LMBR1: variants seen among roughly 807,000 people sequenced by gnomAD.
The protein encoded by LMBR1 is limb region 1 protein homolog.
LMBR1 carries 52 observed loss-of-function variants against 73.9 expected under a neutral mutation model. That is an observed-to-expected ratio of 0.70 (90% CI 0.56 to 0.89). The LOEUF (loss-of-function observed/expected upper bound fraction) is 0.89. Ranked by LOEUF, LMBR1 falls within the 40% of genes least tolerant of loss-of-function variation. The pLI is 0.00. For missense variants in LMBR1, 539 were observed against 579.8 expected, an observed-to-expected ratio of 0.93 and a Z score of 0.72; for synonymous variants, 215 against 209.4, an observed-to-expected ratio of 1.03 and a Z score of -0.23.
intron 2 of LMBR1, among the ~76,000 whole-genome samples, chr7:156,835,959 T>C (rs892147069): frequency 3.3e-5 from 5 of 152,214 alleles, no homozygotes; most frequent in Admixed American, 1.3e-4. Context: ...ACCATGCCAA[T>C]GAATTTTTTT....
chr7:156,733,683 GA>G (rs1415033360), intron 10 of LMBR1, among the ~76,000 whole-genome samples: 1 of 152,122 alleles, frequency 6.6e-6, no homozygotes, highest in Non-Finnish European at 1.5e-5. Flanking sequence ...TGGAGTCCCT[GA>G]AAAGGGAAGC....
At chr7:156,702,938 G>A (rs1810111527) in intron 15 of LMBR1, among the ~76,000 whole-genome samples, 2 of 152,244 alleles carry the variant, frequency 1.3e-5, no homozygotes, top group South Asian at 4.1e-4. Flanking sequence ...CTGAAAAAGA[G>A]AAGGAAAACA....
chr7:156,806,770 C>T (rs1453748856), intron 4 of LMBR1, among the ~76,000 whole-genome samples: 1 of 151,914 alleles, frequency 6.6e-6, no homozygotes, highest in Non-Finnish European at 1.5e-5. Context: ...CACCACCATG[C>T]CCAGTTAAGT....
intron 1 of LMBR1, among the ~76,000 whole-genome samples, chr7:156,840,406 C>G (rs184590391): frequency 1.3e-5 from 2 of 151,652 alleles, no homozygotes; most frequent in African/African-American, 4.9e-5. Flanking sequence ...TCTAGAGGAA[C>G]GGGGGAGGAT....
At chr7:156,807,604 A>C (rs1255941771) in intron 4 of LMBR1, among the ~76,000 whole-genome samples, 2 of 151,814 alleles carry the variant, frequency 1.3e-5, no homozygotes, top group African/African-American at 4.8e-5. Flanking sequence ...TATCAATTTC[A>C]GTGTTCTTCT....
intron 12 of LMBR1, among the ~76,000 whole-genome samples, chr7:156,726,861 G>A (rs558118297): frequency 4.6e-4 from 70 of 151,452 alleles, no homozygotes; most frequent in African/African-American, 1.6e-3. Context: ...GTTTATCTCC[G>A]GAGACACGAG....
chr7:156,839,417 C>A (rs1485249239), intron 1 of LMBR1, among the ~76,000 whole-genome samples: 1 of 151,860 alleles, frequency 6.6e-6, no homozygotes, highest in Non-Finnish European at 1.5e-5. Flanking sequence ...GAATGCCAGA[C>A]CGACAAAAAA....
intron 1 of LMBR1, among the ~76,000 whole-genome samples, chr7:156,872,590 T>C (rs139803403): frequency 0.016 from 2,475 of 151,248 alleles, 57 homozygotes; most frequent in African/African-American, 0.056. Flanking sequence ...GAGGCTGCAG[T>C]GAGCCGAGAT....
chr7:156,736,189 G>A (rs1031657873), intron 9 of LMBR1, among the ~76,000 whole-genome samples: 3 of 152,172 alleles, frequency 2.0e-5, no homozygotes, highest in South Asian at 2.1e-4. Flanking sequence ...GAGCAGTTCT[G>A]CCAATCTCAT....
In LMBR1 at chr7:156,685,399, G is replaced by A. The variant is rs28493794; in HGVS notation, c.1388-1236C>T. ...CATTCTGAGAAATGCGCTGTCGAGC[G>A]ATTCTGTCGCTGTGATGCCATCATA... On this transcript the variant is annotated intron_variant, in intron 16 of 16. Transcript: ENST00000353442. This position sits in a 1 kb window ranked among gnomAD's most constrained non-coding sequence, Gnocchi z 4.1. Among the ~76,000 whole-genome samples the A allele has an allele frequency of 0.077, 11,680 of 152,268 alleles. 648 individuals carry two copies. The highest frequency in any genetic ancestry group is 0.15 in the East Asian group (785 of 5,176).
At chr7:156,777,413 G>A (rs549580977) in intron 5 of LMBR1, among the ~76,000 whole-genome samples, 9 of 151,890 alleles carry the variant, frequency 5.9e-5, no homozygotes, top group South Asian at 4.2e-4. Context: ...TAATTCTTTC[G>A]TTCTATAAAA....
At chr7:156,729,475 C>CTT (rs5888691) in intron 10 of LMBR1, among the ~76,000 whole-genome samples, 1 of 120,778 alleles carries the variant, frequency 8.3e-6, no homozygotes, top group African/African-American at 3.1e-5. Context: ...CCCTTCTATT[C>CTT]TTTTTTTTTT....
intron 1 of LMBR1, among the ~76,000 whole-genome samples, chr7:156,883,216 C>T (rs1801366034): frequency 6.6e-6 from 1 of 152,062 alleles, no homozygotes; most frequent in Admixed American, 6.5e-5. Context: ...CCCTGGCCAA[C>T]AGGTGAAACC....
At chr7:156,811,154 A>T (rs565168606) in intron 4 of LMBR1, among the ~76,000 whole-genome samples, 1 of 152,212 alleles carries the variant, frequency 6.6e-6, no homozygotes, top group African/African-American at 2.4e-5. Flanking sequence ...CAAATTCATT[A>T]ATCTCTTCTG....
intron 15 of LMBR1, among the ~76,000 whole-genome samples, chr7:156,723,075 C>A (rs1397680409): frequency 1.3e-5 from 2 of 152,064 alleles, no homozygotes; most frequent in Non-Finnish European, 2.9e-5. Context: ...TCCTATAAAG[C>A]AAACACAAAA....
In LMBR1 at chr7:156,853,860, T is replaced by C. The variant is rs1302879808; in HGVS notation, c.67-16975A>G. 2.0e-5 allele frequency among the ~76,000 whole-genome samples: 3 copies of C among 151,786 alleles called. No homozygotes were observed. In the East Asian group the frequency reaches 5.8e-4, roughly 30 times the overall value. On this transcript the variant is annotated intron_variant, in intron 1 of 16. Coordinates refer to ENST00000353442, the MANE Select transcript of LMBR1 (RefSeq NM_022458.4). ...TGGTAGAGATGGGGCTTCATCATGT[T>C]GGCCAGGCTGGTCCCGAACTCCTAC... is the stretch of plus-strand genomic sequence containing the variant.
intron 4 of LMBR1, among the ~76,000 whole-genome samples, chr7:156,671,816 C>T (rs1007303814): frequency 6.6e-6 from 1 of 150,868 alleles, no homozygotes; most frequent in Non-Finnish European, 1.5e-5. Context: ...TCCCTGACCA[C>T]GGTGCAGCTG....
chr7:156,881,819 A>G (rs1025354253), intron 1 of LMBR1, among the ~76,000 whole-genome samples: 6 of 152,150 alleles, frequency 3.9e-5, no homozygotes, highest in African/African-American at 1.2e-4. Context: ...AAAAAAAAAA[A>G]AAGAAGACGA....
chr7:156,709,082 CCCT>C (rs1168429178), intron 15 of LMBR1, among the ~76,000 whole-genome samples: 6 of 152,168 alleles, frequency 3.9e-5, no homozygotes, highest in African/African-American at 1.4e-4. Flanking sequence ...TCTCTACCTA[CCCT>C]GGCAGCTGAA....
Sources: allele counts gnomAD v4.1 joint callset (sites outside exome capture counted in the v4.1 genomes callset), GRCh38; gene constraint gnomAD v4.1.1; non-coding constraint Gnocchi (gnomAD v3.1); transcripts MANE v1.5; gene names NCBI Gene and HGNC (gene_info 2026-07-23, HGNC 2026-07-21).